Variants in GLIS3 observed in about 807,000 individuals in gnomAD.
GLIS3 encodes the protein GLIS family zinc finger 3, also known as zinc finger protein GLIS3.
GLIS3 carries 53 observed loss-of-function variants against 78.6 expected under a neutral mutation model. That is an observed-to-expected ratio of 0.67 (90% CI 0.54 to 0.85). The LOEUF is 0.85. Ranked by LOEUF, GLIS3 falls within the 40% of genes least tolerant of loss-of-function variation. The pLI, the probability that GLIS3 is intolerant of heterozygous loss-of-function variation, is 0.00. For missense variants in GLIS3, 1,703 were observed against 1,231.1 expected, an observed-to-expected ratio of 1.38 and a Z score of -5.74; for synonymous variants, 684 against 509.9, an observed-to-expected ratio of 1.34 and a Z score of -4.60.
chr9:4,263,418 G>A (rs978938668), intron 2 of GLIS3, among the ~76,000 whole-genome samples: 1 of 152,100 alleles, frequency 6.6e-6, no homozygotes, highest in Non-Finnish European at 1.5e-5. Flanking sequence ...GAAAGAAGAT[G>A]CCAGGTGTAT....
intron 4 of GLIS3, among the ~76,000 whole-genome samples, chr9:3,967,029 AAAAAC>A (rs1248232213): frequency 4.8e-4 from 65 of 134,344 alleles, no homozygotes; most frequent in Middle Eastern, 3.6e-3. Context: ...AAAAAAAAAA[AAAAAC>A]AAAAAAACAT....
At chr9:4,361,915 A>T in the GLIS3 span, among the ~76,000 whole-genome samples, 56 of 152,226 alleles carry the variant, frequency 3.7e-4, 1 homozygote, top group Admixed American at 3.7e-3. Context: ...GCAAGTTTGG[A>T]ATGTTATCTC....
chr9:4,411,658 T>C, the GLIS3 span, among the ~76,000 whole-genome samples: 8 of 152,228 alleles, frequency 5.3e-5, no homozygotes, highest in African/African-American at 1.7e-4. Flanking sequence ...TGGTGCTGTA[T>C]GCTGTATGGT....
At chr9:4,333,587 G>T (rs866952801) in intron 2 of GLIS3, among the ~76,000 whole-genome samples, 7 of 152,124 alleles carry the variant, frequency 4.6e-5, no homozygotes, top group African/African-American at 1.7e-4. Flanking sequence ...TGAAACAATA[G>T]TTCAGAAAAG....
intron 4 of GLIS3, among the ~76,000 whole-genome samples, chr9:4,098,400 C>A (rs771538163): frequency 6.6e-6 from 1 of 152,066 alleles, no homozygotes; most frequent in Non-Finnish European, 1.5e-5. Context: ...GAAGGGACAC[C>A]ACTAACATTT....
chr9:4,468,718 A>ACTG, the GLIS3 span, among the ~76,000 whole-genome samples: 1 of 152,210 alleles, frequency 6.6e-6, no homozygotes, highest in South Asian at 2.1e-4. Context: ...CTAGGAAGAA[A>ACTG]CTGCATCAAA....
At chr9:4,449,372 G>C in the GLIS3 span, among the ~76,000 whole-genome samples, 1 of 152,208 alleles carries the variant, frequency 6.6e-6, no homozygotes, top group Non-Finnish European at 1.5e-5. Context: ...TGCCTCTGTA[G>C]ACCCCACCTC....
intron 2 of GLIS3, among the ~76,000 whole-genome samples, chr9:4,181,254 C>T (rs1817298953): frequency 6.6e-6 from 1 of 152,252 alleles, no homozygotes; most frequent in Non-Finnish European, 1.5e-5. Flanking sequence ...CTAGGGCTGA[C>T]CATGGACAGC....
chr9:4,402,293 G>A, the GLIS3 span, among the ~76,000 whole-genome samples: 2 of 152,200 alleles, frequency 1.3e-5, no homozygotes, highest in Non-Finnish European at 2.9e-5. Context: ...AAAAACCACA[G>A]CATTACTGGG....
the GLIS3 span, among the ~76,000 whole-genome samples, chr9:4,354,216 G>A: frequency 6.6e-6 from 1 of 152,112 alleles, no homozygotes; most frequent in South Asian, 2.1e-4. Flanking sequence ...GACAATGGCA[G>A]GCAAAGGCAC....
chr9:4,266,394 C>T (rs1490783353), intron 2 of GLIS3, among the ~76,000 whole-genome samples: 1 of 152,112 alleles, frequency 6.6e-6, no homozygotes, highest in Non-Finnish European at 1.5e-5. Context: ...TTCTGAGACC[C>T]TATCGCTGAA....
intron 9 of GLIS3, among the ~76,000 whole-genome samples, chr9:3,845,799 G>C (rs1819002203): frequency 6.6e-6 from 1 of 152,148 alleles, no homozygotes; most frequent in African/African-American, 2.4e-5. Context: ...GTTAGATAGA[G>C]AGCTCTCCCC....
At chr9:4,206,351 A>T (rs567353863) in intron 2 of GLIS3, among the ~76,000 whole-genome samples, 26 of 152,352 alleles carry the variant, frequency 1.7e-4, no homozygotes, top group African/African-American at 5.5e-4. Flanking sequence ...CTTACACAGG[A>T]TCTCTTTCAC....
At chr9:3,870,193 C>T (rs1245873241) in intron 8 of GLIS3, among the ~76,000 whole-genome samples, 1 of 152,066 alleles carries the variant, frequency 6.6e-6, no homozygotes, top group Non-Finnish European at 1.5e-5. Context: ...GAAAATGATA[C>T]CTGTGAGACT....
intron 2 of GLIS3, among the ~76,000 whole-genome samples, chr9:4,140,199 C>T (rs1189420375): frequency 1.3e-5 from 2 of 152,144 alleles, no homozygotes; most frequent in Admixed American, 6.5e-5. Flanking sequence ...TGGCGCGTGC[C>T]TATAATCCCA....
At chr9:4,121,661 A>ACCCC (rs3220712) in intron 3 of GLIS3, among the ~76,000 whole-genome samples, 4 of 145,028 alleles carry the variant, frequency 2.8e-5, no homozygotes. Flanking sequence ...ACACACACAC[A>ACCCC]CCCCAAAGTT....
chr9:4,370,838 G>A, the GLIS3 span, among the ~76,000 whole-genome samples: 2 of 151,946 alleles, frequency 1.3e-5, no homozygotes, highest in East Asian at 1.9e-4. Context: ...CCTGCTTCCA[G>A]AAACACTCAA....
At chr9:4,153,025 G>T (rs982876886) in intron 2 of GLIS3, among the ~76,000 whole-genome samples, 1 of 152,128 alleles carries the variant, frequency 6.6e-6, no homozygotes, top group Non-Finnish European at 1.5e-5. Context: ...AGTGCTCTGT[G>T]CATTGTAGGA....
intron 2 of GLIS3, among the ~76,000 whole-genome samples, chr9:4,189,738 C>G (rs1818153261): frequency 6.6e-6 from 1 of 152,174 alleles, no homozygotes; most frequent in Admixed American, 6.5e-5. Context: ...GATCCCTTTA[C>G]CATTATGTAA....
Sources: allele counts gnomAD v4.1 joint callset (sites outside exome capture counted in the v4.1 genomes callset), GRCh38; gene constraint gnomAD v4.1.1; transcripts MANE v1.5; gene names NCBI Gene and HGNC (gene_info 2026-07-23, HGNC 2026-07-21).